ARHGAP9: variants seen among roughly 807,000 people sequenced by gnomAD.
ARHGAP9 encodes the protein Rho GTPase activating protein 9.
In ARHGAP9, 76 loss-of-function variants were observed where a neutral mutation model predicts 87.3. The ratio of observed to expected loss-of-function variants is 0.87; its 90% CI spans 0.72 to 1.05. The LOEUF is 1.05. Among genes scored for constraint, ARHGAP9 ranks in the 50% least tolerant of loss-of-function variants. The pLI is 0.00. For synonymous variants in ARHGAP9, 382 were observed against 394.9 expected, an observed-to-expected ratio of 0.97 and a Z score of 0.39; for missense variants, 941 against 960.5, an observed-to-expected ratio of 0.98 and a Z score of 0.27.
upstream of ARHGAP9, among the ~76,000 whole-genome samples, chr12:57,480,457 C>G (rs1201101955): frequency 6.6e-6 from 1 of 152,156 alleles, no homozygotes; most frequent in Non-Finnish European, 1.5e-5. Flanking sequence ...GCTGGGATTA[C>G]AGGTGTGAGC....
In ARHGAP9 at chr12:57,478,562, G is replaced by C. The variant is rs140815973; in HGVS notation, c.512C>G (p.Pro171Arg). Reference sequence around the variant, plus strand: ...CACTGTGCTGGCACTGGCTTCTGACGGCAAGTCTTCCTGGGAGAGGGATCT... The same window carrying C: ...CACTGTGCTGGCACTGGCTTCTGACCGCAAGTCTTCCTGGGAGAGGGATCT... ...SGRSLSQEDL[P>R]SEASASTAGP... is the part of the protein sequence containing the mutation. The change falls in exon 3 of 18, where the codon CCG becomes CGG. Residue 171 changes from proline (P) to arginine (R), a missense_variant. Transcript: ENST00000393791. 8 of 1,613,908 alleles carry C rather than the reference G, an allele frequency of 5.0e-6. No homozygotes were observed. The highest frequency in any genetic ancestry group is 4.2e-6 in the Non-Finnish European group (5 of 1,180,008).
intron 3 of ARHGAP9, chr12:57,478,011 T>G: frequency 8.8e-7 from 1 of 1,138,058 alleles, no homozygotes; most frequent in Middle Eastern, 3.9e-4. Context: ...CCTCACATCC[T>G]GCAAGGTAAA....
chr12:57,472,798 TC>T, intron 17 of ARHGAP9, 110 bp from the exon 18 acceptor site: 1 of 1,185,040 alleles, frequency 8.4e-7, no homozygotes, highest in Non-Finnish European at 1.2e-6. Flanking sequence ...CTGGGATTCC[TC>T]CACATGGTAA....
chr12:57,479,037 AG>A, intron 2 of ARHGAP9, 53 bp downstream of exon 2: 5 of 1,573,746 alleles, frequency 3.2e-6, no homozygotes, highest in Non-Finnish European at 4.3e-6. Context: ...CCAGGGAGGT[AG>A]GAAGGTGATG....
chr12:57,477,996 C>T (rs986127308), intron 3 of ARHGAP9: 25 of 1,179,792 alleles, frequency 2.1e-5, no homozygotes, highest in Non-Finnish European at 2.7e-5. Flanking sequence ...AAGGGGGTGC[C>T]CCACCCTCAC....
Position 57,474,124 on chromosome 12 carries a change from G to A in ARHGAP9, c.1836C>T (p.Thr612=), listed in dbSNP as rs61754174. 13,381 of 1,614,140 alleles carry A rather than the reference G, an allele frequency of 8.3e-3. 74 individuals carry two copies. Among genetic ancestry groups the A allele is most frequent in the Non-Finnish European group, 0.01 (11,825 of 1,180,008 alleles). The change falls in exon 16 of 18, where the codon ACC becomes ACT. Residue 612 remains threonine (T), a synonymous_variant. Coordinates refer to ENST00000393791, the MANE Select transcript of ARHGAP9 (RefSeq NM_032496.4). ...STEWDDIHVV[T]GALKLFLREL... is the part of the protein sequence containing the mutation. ...CCCGGAGAAAAAGCTTCAGGGCTCC[G>A]GTGACCACATGAATGTCATCCCACT...
intron 1 of ARHGAP9, chr12:57,488,026 G>A: frequency 7.1e-7 from 1 of 1,411,496 alleles, no homozygotes; most frequent in Non-Finnish European, 1.0e-6. Flanking sequence ...CGTGCCTCGC[G>A]GAGGCCGCTG....
Position 57,476,351 on chromosome 12 carries a change from C to G in ARHGAP9, c.1116+13G>C, listed in dbSNP as rs1417057860. On this transcript the variant is annotated intron_variant, in intron 8 of 17. Coordinates refer to ENST00000393791, the MANE Select transcript of ARHGAP9 (RefSeq NM_032496.4). ...GCGCCCGCACCCATCCTGCGCCTCT[C>G]GCTCACACTCACCCAGCCTGAGGAG... 22 of 1,613,044 alleles carry G rather than the reference C, an allele frequency of 1.4e-5. 1 individual carries two copies. The highest frequency in any genetic ancestry group is 3.3e-4 in the Middle Eastern group (2 of 5,988).
intron 12 of ARHGAP9, 119 bp from the exon 13 acceptor site, chr12:57,475,092 G>A (rs1873086264): frequency 4.2e-6 from 5 of 1,200,470 alleles, no homozygotes; most frequent in African/African-American, 1.5e-5. Context: ...CCAGGCCTGG[G>A]CAAGGAAATA....
At position 57,478,621 on chromosome 12, in the gene ARHGAP9, G is replaced by A. The variant is rs1324182676; in HGVS notation, c.453C>T (p.Ser151=). 24 of 1,613,978 alleles carry A rather than the reference G, an allele frequency of 1.5e-5. No homozygotes were observed. Among genetic ancestry groups the A allele is most frequent in the Non-Finnish European group, 2.0e-5 (24 of 1,180,046 alleles). Residue 151 remains serine, a synonymous_variant, in exon 3 of 18, where the codon AGC becomes AGT. Transcript: ENST00000393791. ...RSVSTDNLSP[S]LLKPFQEGPS... ...GTCCTTCCTGGAAAGGCTTCAGAAG[G>A]CTGGGGCTCAGATTGTCAGTGCTGA...
intron 1 of ARHGAP9, among the ~76,000 whole-genome samples, chr12:57,487,037 C>T (rs1029432201): frequency 1.3e-5 from 2 of 150,842 alleles, no homozygotes; most frequent in African/African-American, 4.9e-5. Flanking sequence ...AGTGCAATGG[C>T]GCGGTCTCGG....
In ARHGAP9 at chr12:57,479,347, G is replaced by C. The variant is rs1399475556; in HGVS notation, c.60C>G (p.Ser20Arg). The C allele has an allele frequency of 6.2e-7, 1 of 1,614,042 alleles. No homozygotes were observed. The highest frequency in any genetic ancestry group is 1.3e-5 in the African/African-American group (1 of 74,946). The change falls in exon 2 of 18, where the codon AGC becomes AGG. Residue 20 changes from serine (S) to arginine (R), a missense_variant. By Grantham distance (110) the Ser-to-Arg change is moderately radical. Coordinates refer to ENST00000393791, the MANE Select transcript of ARHGAP9 (RefSeq NM_032496.4). ...CACAGAGCTGGGATCCCCGAGGAGG[G>C]CTTCGGGGGCCCAGCCCTAGGATCC... ...SWGILGLGPRSPPRGSQLCAL... is the reference protein window; with the variant it reads ...SWGILGLGPRRPPRGSQLCAL...
At chr12:57,488,018 T>A in intron 1 of ARHGAP9, 1 of 1,283,496 alleles carries the variant, frequency 7.8e-7, no homozygotes, top group Admixed American at 1.7e-5. Flanking sequence ...TTTCCCGGCG[T>A]GCCTCGCGGA....
rs1164514624 is a variant in ARHGAP9 at position 57,478,602 on chromosome 12, C to T, written c.472G>A (p.Glu158Lys). Residue 158 changes from glutamate (E) to lysine (K), a missense_variant, in exon 3 of 18, where the codon GAA becomes AAA. Coordinates refer to ENST00000393791, the MANE Select transcript of ARHGAP9 (RefSeq NM_032496.4). ...GAGAGGGATCTTCCGCTTGGTCCTT[C>T]CTGGAAAGGCTTCAGAAGGCTGGGG... ...LSPSLLKPFQ[E>K]GPSGRSLSQE... 2.5e-6 allele frequency: 4 copies of T among 1,613,948 alleles called. No homozygotes were observed. Among genetic ancestry groups the T allele is most frequent in the African/African-American group, 2.7e-5 (2 of 74,886 alleles).
chr12:57,488,580 C>G (rs1299810346), intron 1 of ARHGAP9: 2 of 1,550,862 alleles, frequency 1.3e-6, no homozygotes, highest in African/African-American at 2.7e-5. Flanking sequence ...TCTCTCCCCT[C>G]CTAACACACA....
chr12:57,476,619 G>C lies in ARHGAP9; in HGVS notation c.996C>G (p.Thr332=), dbSNP rs1873785801. The C allele has an allele frequency of 1.2e-6, 2 of 1,614,002 alleles. No individual in the cohort carries two copies. Among genetic ancestry groups the C allele is most frequent in the African/African-American group, 2.7e-5 (2 of 74,902 alleles). The part of the protein sequence containing the change: ...EVEKSGLLNM[T]KIAQGGRKLR... The stretch of plus-strand genomic sequence containing the variant: ...GCTTGCGCCCCCCTTGGGCAATCTT[G>C]GTCATGTTGAGCAGACCCGACTTTT... The change falls in exon 7 of 18, where the codon ACC becomes ACG. Residue 332 remains threonine (T), a synonymous_variant. Coordinates refer to ENST00000393791, the MANE Select transcript of ARHGAP9 (RefSeq NM_032496.4).
At chr12:57,472,897 C>T (rs938454158) in intron 17 of ARHGAP9, among the ~76,000 whole-genome samples, 7 of 152,134 alleles carry the variant, frequency 4.6e-5, no homozygotes, top group African/African-American at 1.7e-4. Flanking sequence ...CTGCCTCTTC[C>T]GACTTCAGGG....
At chr12:57,479,595 G>T in intron 1 of ARHGAP9, 135 bp downstream of exon 1, 3 of 1,530,258 alleles carry the variant, frequency 2.0e-6, no homozygotes, top group East Asian at 4.9e-5. Context: ...GGTTTTGGGG[G>T]CTGAGAACTC....
chr12:57,475,887 G>T lies in ARHGAP9; in HGVS notation c.1257C>A (p.His419Gln), dbSNP rs762552816. 1 of 1,613,892 alleles carries T rather than the reference G, an allele frequency of 6.2e-7. No individual in the cohort carries two copies. Among genetic ancestry groups the T allele is most frequent in the Non-Finnish European group, 8.5e-7 (1 of 1,179,910 alleles). The change falls in exon 10 of 18, where the codon CAC (histidine) becomes CAA (glutamine). Residue 419 changes from histidine (H) to glutamine (Q), a missense_variant. Physicochemically the swap from His to Gln is conservative, Grantham distance 24. Coordinates refer to ENST00000393791, the MANE Select transcript of ARHGAP9 (RefSeq NM_032496.4). ...GGTGCCAGGCTCGCAGCTCTGTCTCGTGGTCCGACTGCAGCAGGAACTCGT... is the reference window on the plus strand; with the variant it reads ...GGTGCCAGGCTCGCAGCTCTGTCTCTTGGTCCGACTGCAGCAGGAACTCGT... ...PGHEFLLQSD[H>Q]ETELRAWHRA...
Sources: allele counts gnomAD v4.1 joint callset (sites outside exome capture counted in the v4.1 genomes callset), GRCh38; gene constraint gnomAD v4.1.1; transcripts MANE v1.5; gene names NCBI Gene and HGNC (gene_info 2026-07-23, HGNC 2026-07-21).